ZBTB16: variants seen among roughly 807,000 people sequenced by gnomAD.
ZBTB16 encodes zinc finger and BTB domain containing 16.
ZBTB16 carries 8 observed loss-of-function variants against 56.8 expected under a neutral mutation model. That is an observed-to-expected ratio of 0.14 (90% CI 0.08 to 0.25). The LOEUF is 0.25. Among genes scored for constraint, ZBTB16 ranks in the 10% least tolerant of loss-of-function variants. The pLI is 1.00. For synonymous variants in ZBTB16, 363 were observed against 368.5 expected, an observed-to-expected ratio of 0.98 and a Z score of 0.17; for missense variants, 625 against 903.0, an observed-to-expected ratio of 0.69 and a Z score of 3.95.
intron 4 of ZBTB16, chr11:114,187,897 C>T (rs1178076): frequency 0.18 from 28,211 of 155,430 alleles, 2,915 homozygotes; most frequent in African/African-American, 0.3. Context: ...GTGAACTGTG[C>T]ATGCAAGGGA....
chr11:114,099,437 T>G (rs1940531558), intron 2 of ZBTB16, among the ~76,000 whole-genome samples: 1 of 152,026 alleles, frequency 6.6e-6, no homozygotes, highest in Non-Finnish European at 1.5e-5. Flanking sequence ...TTATTTAGAT[T>G]TATCTCCTCT....
intron 4 of ZBTB16, among the ~76,000 whole-genome samples, chr11:114,193,253 A>G (rs557678762): frequency 6.6e-6 from 1 of 152,306 alleles, no homozygotes; most frequent in East Asian, 1.9e-4. Flanking sequence ...AAGATTGAGT[A>G]AACTGAGCTC....
chr11:114,169,100 AG>A (rs1565664552), intron 3 of ZBTB16, among the ~76,000 whole-genome samples: 1 of 151,944 alleles, frequency 6.6e-6, no homozygotes, highest in African/African-American at 2.4e-5. Context: ...GAGGGGTAGG[AG>A]GAGAGAGCTG....
chr11:114,197,712 ATTTAT>A (rs1373308609), intron 4 of ZBTB16, among the ~76,000 whole-genome samples: 2 of 151,884 alleles, frequency 1.3e-5, no homozygotes, highest in African/African-American at 4.8e-5. Flanking sequence ...AAGACAGAGG[ATTTAT>A]TTTATTTTAA....
rs551611491 is a variant in ZBTB16, at chr11:114,242,818, T to A, written c.1624+481T>A. The stretch of plus-strand genomic sequence containing the variant: ...TCAGCTTCGGGCTTCTGAGGGCAAG[T>A]TGAAGCAGTGATCCTACTTTCCCCA... On this transcript the variant is annotated intron_variant, in intron 5 of 6. Coordinates refer to ENST00000335953, the MANE Select transcript of ZBTB16 (RefSeq NM_006006.6). Among the ~76,000 whole-genome samples, 5 of 152,314 alleles carry A rather than the reference T, an allele frequency of 3.3e-5. No homozygotes were observed. The South Asian group carries it at 8.3e-4, about 25-fold the overall frequency.
intron 6 of ZBTB16, among the ~76,000 whole-genome samples, chr11:114,248,570 G>T (rs1288123699): frequency 6.6e-6 from 1 of 152,210 alleles, no homozygotes; most frequent in Non-Finnish European, 1.5e-5. Flanking sequence ...TCTGATCAGG[G>T]GAGACAGCTG....
At chr11:114,148,378 T>TTCCTTCCTTCCTTCCTTCCTTCC (rs1565651573) in intron 2 of ZBTB16, among the ~76,000 whole-genome samples, 13 of 141,084 alleles carry the variant, frequency 9.2e-5, no homozygotes, top group African/African-American at 3.6e-4. Flanking sequence ...CCTTCCTTCC[T>TTCCTTCCTTCCTTCCTTCCTTCC]TCCTTCCTTC....
intron 4 of ZBTB16, among the ~76,000 whole-genome samples, chr11:114,191,259 C>T (rs139498242): frequency 6.6e-6 from 1 of 152,102 alleles, no homozygotes; most frequent in Admixed American, 6.5e-5. Flanking sequence ...ATAATAATAA[C>T]ATTTTGGTCA....
intron 3 of ZBTB16, among the ~76,000 whole-genome samples, chr11:114,160,353 A>G (rs1014545432): frequency 3.9e-5 from 6 of 152,074 alleles, no homozygotes; most frequent in South Asian, 2.1e-4. Context: ...TTCCGCAGAG[A>G]TGTCATTTCT....
At chr11:114,110,015 A>C (rs768552098) in intron 2 of ZBTB16, among the ~76,000 whole-genome samples, 1 of 152,126 alleles carries the variant, frequency 6.6e-6, no homozygotes, top group Non-Finnish European at 1.5e-5. Context: ...TTCAACATCT[A>C]TTTAACGTTG....
chr11:114,132,505 C>T (rs928574898), intron 2 of ZBTB16, among the ~76,000 whole-genome samples: 4 of 152,134 alleles, frequency 2.6e-5, no homozygotes, highest in South Asian at 2.1e-4. Flanking sequence ...GATGAAGTTC[C>T]GCTGCCCTCT....
At chr11:114,122,560 C>G (rs1423166757) in intron 2 of ZBTB16, among the ~76,000 whole-genome samples, 1 of 152,162 alleles carries the variant, frequency 6.6e-6, no homozygotes, top group Non-Finnish European at 1.5e-5. Context: ...AGCCCAGGGA[C>G]AGGAGCATGG....
intron 2 of ZBTB16, among the ~76,000 whole-genome samples, chr11:114,106,347 A>T (rs1266639867): frequency 6.6e-6 from 1 of 152,232 alleles, no homozygotes; most frequent in Non-Finnish European, 1.5e-5. Context: ...TTTAAGAAGC[A>T]TCATTATGAT....
chr11:114,121,396 T>G (rs1425337999), intron 2 of ZBTB16, among the ~76,000 whole-genome samples: 1 of 152,086 alleles, frequency 6.6e-6, no homozygotes, highest in Non-Finnish European at 1.5e-5. Flanking sequence ...GTTGAATCCT[T>G]GGTGGGGCTG....
At chr11:114,119,701 C>A (rs1941288071) in intron 2 of ZBTB16, among the ~76,000 whole-genome samples, 1 of 152,164 alleles carries the variant, frequency 6.6e-6, no homozygotes, top group African/African-American at 2.4e-5. Flanking sequence ...TCATGAGCAC[C>A]TGTATCGTGT....
chr11:114,208,485 C>G (rs669024), intron 4 of ZBTB16, among the ~76,000 whole-genome samples: 49,427 of 151,976 alleles, frequency 0.33, 9,094 homozygotes, highest in South Asian at 0.44. Context: ...CCAAAATGGT[C>G]TTAGAACAGG....
intron 2 of ZBTB16, among the ~76,000 whole-genome samples, chr11:114,073,584 T>G (rs556191699): frequency 1.1e-4 from 16 of 152,322 alleles, no homozygotes; most frequent in African/African-American, 3.8e-4. Flanking sequence ...TAGAAAAACC[T>G]TAATTCTAAA....
At chr11:114,211,118 C>T (rs1052693569) in intron 4 of ZBTB16, among the ~76,000 whole-genome samples, 16 of 152,152 alleles carry the variant, frequency 1.1e-4, no homozygotes, top group Non-Finnish European at 2.1e-4. Context: ...ACAGTGGTTT[C>T]ACCATTTTGG....
At chr11:114,122,038 A>G in intron 2 of ZBTB16, 1 of 312,066 alleles carries the variant, frequency 3.2e-6, no homozygotes, top group Non-Finnish European at 6.3e-6. Context: ...TGTTCCAAAA[A>G]TGGTGATTTC....
Sources: allele counts gnomAD v4.1 joint callset (sites outside exome capture counted in the v4.1 genomes callset), GRCh38; gene constraint gnomAD v4.1.1; transcripts MANE v1.5; gene names NCBI Gene and HGNC (gene_info 2026-07-23, HGNC 2026-07-21).